CDH13: variants seen among roughly 807,000 people sequenced by gnomAD.
The protein encoded by CDH13 is cadherin-13.
Under a neutral mutation model 63.8 loss-of-function variants are expected in CDH13, and 24 were observed. The observed-to-expected ratio is 0.38, with a 90% CI of 0.27 to 0.53. The LOEUF is 0.53. Ranked by LOEUF, CDH13 falls within the 20% of genes least tolerant of loss-of-function variation. The probability of loss-of-function intolerance (pLI) is 0.85; values close to 1 mark genes in which losing one functional copy is unlikely to be tolerated. For synonymous variants in CDH13, 503 were observed against 355.3 expected (o/e 1.42, Z -4.67); for missense variants, 1,049 against 903.1 (o/e 1.16, Z -2.07).
rs997740648 is a variant in CDH13, at chr16:82,627,144, A to G, written c.45+7A>G. On this transcript the variant is annotated splice_region_variant and intron_variant, in intron 1 of 13. Coordinates refer to ENST00000567109, the MANE Select transcript of CDH13 (RefSeq NM_001257.5). The stretch of plus-strand genomic sequence containing the variant: ...GTGCGTTCTCCTGTCCCAGGTAGGG[A>G]AGAGGGGCTGCCGGGCGCGCTCTGC... 1 of 1,604,872 alleles carries G rather than the reference A, an allele frequency of 6.2e-7. No homozygotes were observed. The highest frequency in any genetic ancestry group is 1.3e-5 in the African/African-American group (1 of 74,866).
intron 5 of CDH13, among the ~76,000 whole-genome samples, chr16:83,274,277 T>C (rs1287817484): frequency 1.3e-5 from 2 of 152,186 alleles, no homozygotes; most frequent in Non-Finnish European, 2.9e-5. Flanking sequence ...GGAGAGAATG[T>C]TCTAGAAAGC....
Position 82,793,234 on chromosome 16 carries a change from A to G in CDH13, c.46-65128A>G, listed in dbSNP as rs1056139995. On this transcript the variant is annotated intron_variant, in intron 1 of 13. Transcript: ENST00000567109. The stretch of plus-strand genomic sequence containing the variant: ...AGCATTTGCAAGGGCAGCATGGGGA[A>G]TTTCAATCAACCTGTGAGAAGACAA... Among the ~76,000 whole-genome samples the G allele has an allele frequency of 2.0e-5, 3 of 152,204 alleles. No homozygotes were observed. The South Asian group carries it at 6.2e-4, about 32-fold the overall frequency.
intron 5 of CDH13, among the ~76,000 whole-genome samples, chr16:83,326,471 C>G (rs888779397): frequency 6.7e-6 from 1 of 148,638 alleles, no homozygotes. Context: ...TTCCTCTGAA[C>G]TCTATGGGAG....
At chr16:83,231,435 C>T (rs187056536) in intron 5 of CDH13, among the ~76,000 whole-genome samples, 116 of 152,262 alleles carry the variant, frequency 7.6e-4, no homozygotes, top group Middle Eastern at 3.4e-3. Flanking sequence ...GAGAATTGCA[C>T]GTTAACAAGC....
intron 1 of CDH13, among the ~76,000 whole-genome samples, chr16:82,701,237 CT>C (rs1379425721): frequency 1.3e-5 from 2 of 152,166 alleles, no homozygotes; most frequent in Non-Finnish European, 1.5e-5. Flanking sequence ...TCCACATCTC[CT>C]TTCAACCTTG....
intron 5 of CDH13, among the ~76,000 whole-genome samples, chr16:83,256,450 C>T (rs1028963059): frequency 1.3e-5 from 2 of 152,000 alleles, no homozygotes. Flanking sequence ...AATGAGGCTA[C>T]AAGAGCATTA....
At chr16:83,063,911 G>T (rs953784635) in intron 3 of CDH13, among the ~76,000 whole-genome samples, 11 of 152,272 alleles carry the variant, frequency 7.2e-5, no homozygotes, top group African/African-American at 2.4e-4. Flanking sequence ...TGGGAACAGT[G>T]AGACAAGTTG....
intron 6 of CDH13, among the ~76,000 whole-genome samples, chr16:83,379,490 GT>G (rs1401229756): frequency 2.0e-5 from 3 of 152,196 alleles, no homozygotes; most frequent in African/African-American, 7.2e-5. Flanking sequence ...ACCATACAGT[GT>G]TTTGGTGAGG....
chr16:83,791,194 A>C (rs1393598360), intron 13 of CDH13, among the ~76,000 whole-genome samples: 1 of 152,112 alleles, frequency 6.6e-6, no homozygotes, highest in East Asian at 1.9e-4. Flanking sequence ...TCAGCTAAAA[A>C]TTAACATTAA....
intron 7 of CDH13, among the ~76,000 whole-genome samples, chr16:83,518,158 T>TTGTTG (rs1434960471): frequency 6.6e-6 from 1 of 151,874 alleles, no homozygotes; most frequent in Non-Finnish European, 1.5e-5. Flanking sequence ...TTGTTTTGTT[T>TTGTTG]TTTTGAGATG....
chr16:83,184,163 A>C (rs1380292338), intron 4 of CDH13, among the ~76,000 whole-genome samples: 1 of 146,134 alleles, frequency 6.8e-6, no homozygotes, highest in African/African-American at 2.7e-5. Context: ...AAAAAAAGTC[A>C]GAACAATGAA....
At chr16:83,097,250 A>G (rs1317719298) in intron 3 of CDH13, among the ~76,000 whole-genome samples, 4 of 152,218 alleles carry the variant, frequency 2.6e-5, no homozygotes, top group Non-Finnish European at 5.9e-5. Flanking sequence ...TCATAGGATA[A>G]GAATTCTTGG....
intron 10 of CDH13, among the ~76,000 whole-genome samples, chr16:83,686,989 C>A (rs1904366265): frequency 6.6e-6 from 1 of 152,146 alleles, no homozygotes; most frequent in Non-Finnish European, 1.5e-5. Flanking sequence ...GTGGGCAGAT[C>A]ATTTGAGGTT....
chr16:83,052,508 G>T lies in CDH13; in HGVS notation c.366+20290G>T, dbSNP rs528122568. 4.5e-4 allele frequency among the ~76,000 whole-genome samples: 69 copies of T among 152,242 alleles called. 1 individual carries two copies. In the South Asian group the frequency reaches 0.014, roughly 31 times the overall value. ...TCAGAAATAAAACCTTGGCTGTTGT[G>T]GTGGCTCACGCCTGTAATCCCAACA... On this transcript the variant is annotated intron_variant, in intron 3 of 13. Coordinates refer to ENST00000567109, the MANE Select transcript of CDH13 (RefSeq NM_001257.5).
chr16:82,795,801 C>T (rs1018025758), intron 1 of CDH13, among the ~76,000 whole-genome samples: 23 of 152,260 alleles, frequency 1.5e-4, no homozygotes, highest in Non-Finnish European at 1.0e-4. Context: ...GCCAGTTTGT[C>T]TTGGGTCCTG....
chr16:83,084,040 T>C (rs1294278446), intron 3 of CDH13, among the ~76,000 whole-genome samples: 1 of 152,242 alleles, frequency 6.6e-6, no homozygotes, highest in Non-Finnish European at 1.5e-5. Flanking sequence ...CTACACTTTG[T>C]GGCCACATGA....
intron 2 of CDH13, among the ~76,000 whole-genome samples, chr16:82,946,936 C>G (rs1904786853): frequency 6.6e-6 from 1 of 151,506 alleles, no homozygotes; most frequent in Non-Finnish European, 1.5e-5. Context: ...GATGCCATAA[C>G]AGATTGGATA....
At chr16:83,643,487 C>G (rs766738129) in intron 8 of CDH13, among the ~76,000 whole-genome samples, 2 of 152,098 alleles carry the variant, frequency 1.3e-5, no homozygotes, top group African/African-American at 4.8e-5. Context: ...ATTAATAATA[C>G]TCTATTTCTT....
At chr16:82,885,279 C>G (rs1363763136) in intron 2 of CDH13, among the ~76,000 whole-genome samples, 1 of 152,112 alleles carries the variant, frequency 6.6e-6, no homozygotes, top group Non-Finnish European at 1.5e-5. Context: ...TTTGGTCATT[C>G]TCCTGAAAAC....
Sources: gnomAD v4.1 joint callset for allele counts (sites outside exome capture counted in the v4.1 genomes callset) on GRCh38, gnomAD v4.1.1 for gene constraint, MANE v1.5 for transcripts, NCBI Gene and HGNC (gene_info 2026-07-23, HGNC 2026-07-21) for gene names.